TMEM272: variants seen among roughly 807,000 people sequenced by gnomAD.
TMEM272 encodes long intergenic non-protein coding RNA 282.
TMEM272 carries 8 observed loss-of-function variants against 3.7 expected under a neutral mutation model. The observed-to-expected ratio is 2.17, with a 90% confidence interval of 1.27 to 3.91. TMEM272 has a LOEUF of 3.91. TMEM272 is among the 30% of genes most tolerant of loss of function. The probability of loss-of-function intolerance (pLI) is 0.00; values close to 1 mark genes in which losing one functional copy is unlikely to be tolerated. For missense variants in TMEM272, 166 were observed against 91.5 expected, an observed-to-expected ratio of 1.81 and a Z score of -3.32; for synonymous variants, 63 against 39.8, an observed-to-expected ratio of 1.58 and a Z score of -2.20.
chr13:51,880,884 C>T, the TMEM272 span, among the ~76,000 whole-genome samples: 1 of 152,284 alleles, frequency 6.6e-6, no homozygotes, highest in East Asian at 1.9e-4. Context: ...TCTCACAAAT[C>T]CCCACTACAG....
the TMEM272 span, among the ~76,000 whole-genome samples, chr13:51,873,920 T>C: frequency 6.6e-6 from 1 of 152,198 alleles, no homozygotes; most frequent in South Asian, 2.1e-4. Context: ...CTTCTTGTGT[T>C]TGGGGAATTT....
At chr13:51,895,569 A>G in the TMEM272 span, among the ~76,000 whole-genome samples, 1 of 152,104 alleles carries the variant, frequency 6.6e-6, no homozygotes, top group Non-Finnish European at 1.5e-5. Flanking sequence ...ACATTTATCC[A>G]TCTACCTGTG....
chr13:51,856,162 T>G, the TMEM272 span, among the ~76,000 whole-genome samples: 1 of 152,196 alleles, frequency 6.6e-6, no homozygotes, highest in African/African-American at 2.4e-5. Flanking sequence ...TGAGTCCACA[T>G]TTGGGTGGGG....
At chr13:51,908,637 T>C in the TMEM272 span, 2 of 1,480,838 alleles carry the variant, frequency 1.4e-6, no homozygotes, top group Admixed American at 1.7e-5. Context: ...ATCTTTGGTA[T>C]CATTTCCACT....
the TMEM272 span, chr13:51,930,377 C>G: frequency 6.6e-6 from 1 of 152,220 alleles, no homozygotes; most frequent in African/African-American, 2.4e-5. Context: ...ATTTCAACCA[C>G]TGTCATTGTC....
chr13:51,838,413 G>C, intron 2 of TMEM272, 60 bp downstream of exon 2: 1 of 702,940 alleles, frequency 1.4e-6, no homozygotes, highest in Non-Finnish European at 2.6e-6. Flanking sequence ...TTAGCTCATC[G>C]GGTGATCCCA....
the TMEM272 span, among the ~76,000 whole-genome samples, chr13:51,863,672 GACACACACACACACACACAC>G: frequency 6.0e-4 from 80 of 134,298 alleles, no homozygotes; most frequent in African/African-American, 1.9e-3. Flanking sequence ...CGCGCACACA[GACACACACACACACACACAC>G]ACACACACAC....
chr13:51,892,265 C>G, the TMEM272 span, among the ~76,000 whole-genome samples: 2 of 152,170 alleles, frequency 1.3e-5, no homozygotes, highest in South Asian at 4.1e-4. Flanking sequence ...AATAGATATA[C>G]TGGTTTATGT....
At chr13:51,896,012 C>T in the TMEM272 span, among the ~76,000 whole-genome samples, 1 of 152,262 alleles carries the variant, frequency 6.6e-6, no homozygotes, top group African/African-American at 2.4e-5. Context: ...AACACTTCAT[C>T]TCTTTTCTGT....
the TMEM272 span, chr13:51,921,432 C>T: frequency 6.6e-6 from 1 of 152,268 alleles, no homozygotes; most frequent in Non-Finnish European, 1.5e-5. Flanking sequence ...GGAAAGAAGG[C>T]TGCTCATCCC....
chr13:51,886,222 G>GA, the TMEM272 span, among the ~76,000 whole-genome samples: 2 of 152,190 alleles, frequency 1.3e-5, no homozygotes, highest in Non-Finnish European at 2.9e-5. Context: ...GCAGACTCTG[G>GA]AAAAAACAAA....
intron 1 of TMEM272, among the ~76,000 whole-genome samples, chr13:51,841,239 G>T (rs1200475118): frequency 6.6e-6 from 1 of 152,158 alleles, no homozygotes; most frequent in Non-Finnish European, 1.5e-5. Context: ...CACATAACAG[G>T]GAGAGTGTGT....
At chr13:51,909,977 A>T in the TMEM272 span, 1 of 1,582,402 alleles carries the variant, frequency 6.3e-7, no homozygotes, top group African/African-American at 1.3e-5. Context: ...GAAGTTGACA[A>T]TTTTCACTCG....
At chr13:51,862,311 C>A in the TMEM272 span, 1 of 152,140 alleles carries the variant, frequency 6.6e-6, no homozygotes, top group African/African-American at 2.4e-5. Context: ...AAAAGAAGCT[C>A]CTAGTCTTAC....
chr13:51,880,275 CAAAAAA>C, the TMEM272 span, among the ~76,000 whole-genome samples: 151 of 129,268 alleles, frequency 1.2e-3, no homozygotes, highest in East Asian at 7.6e-3. Flanking sequence ...TTCCTTTCAC[CAAAAAA>C]AAAAAAAAAA....
the TMEM272 span, among the ~76,000 whole-genome samples, chr13:51,890,207 G>A: frequency 1.0e-3 from 159 of 152,268 alleles, 1 homozygote; most frequent in Non-Finnish European, 1.9e-3. Context: ...TAGTTTGGAG[G>A]TTTATCCCCC....
At chr13:51,907,060 C>T in the TMEM272 span, among the ~76,000 whole-genome samples, 106 of 152,338 alleles carry the variant, frequency 7.0e-4, no homozygotes, top group African/African-American at 2.4e-3. Flanking sequence ...CTCCTCCCAA[C>T]GTGAGCAGGG....
At chr13:51,881,361 CT>C in the TMEM272 span, among the ~76,000 whole-genome samples, 1 of 132,054 alleles carries the variant, frequency 7.6e-6, no homozygotes, top group East Asian at 2.4e-4. Flanking sequence ...TATAATAACT[CT>C]TTTAAAAAAA....
At chr13:51,819,819 G>C (rs1387976680) in intron 4 of TMEM272, among the ~76,000 whole-genome samples, 1 of 152,216 alleles carries the variant, frequency 6.6e-6, no homozygotes, top group Non-Finnish European at 1.5e-5. Flanking sequence ...GGAAGATGAG[G>C]GGGAGTGCAG....
Sources: gnomAD v4.1 joint callset for allele counts (sites outside exome capture counted in the v4.1 genomes callset) on GRCh38, gnomAD v4.1.1 for gene constraint, MANE v1.5 for transcripts, NCBI Gene and HGNC (gene_info 2026-07-23, HGNC 2026-07-21) for gene names.